The following FAT4 variants were observed in gnomAD, a reference collection of about 807,000 sequenced individuals.
FAT4 encodes protocadherin Fat 4.
In FAT4, 84 loss-of-function variants were observed where a neutral mutation model predicts 303.9. That is an observed-to-expected ratio of 0.28 (90% CI 0.23 to 0.33). FAT4 has a LOEUF of 0.33. FAT4 is among the 10% of genes least tolerant of loss of function. FAT4 has a pLI of 1.00. For missense variants in FAT4, 6,005 were observed against 6,146.8 expected (o/e 0.98, Z 0.77); for synonymous variants, 2,307 against 2,298.8 (o/e 1.00, Z -0.10).
Position 125,321,227 on chromosome 4 carries a change from C to T in FAT4, c.4816C>T (p.Leu1606Phe), listed in dbSNP as rs766637613. ...IYNLIVSATDLGPERRKSTTE... is the reference protein window; with the variant it reads ...IYNLIVSATDFGPERRKSTTE... ...CAATCTCATAGTTTCAGCAACAGAC[C>T]TTGGGCCTGAAAGGAGGAAATCGAC... Residue 1606 changes from leucine to phenylalanine, a missense_variant, in exon 2 of 18, where the codon CTT becomes TTT. Coordinates refer to ENST00000394329, the MANE Select transcript of FAT4 (RefSeq NM_001291303.3). 3.1e-6 allele frequency: 5 copies of T among 1,614,008 alleles called. No individual in the cohort carries two copies. The highest frequency in any genetic ancestry group is 1.3e-5 in the African/African-American group (1 of 74,906).
chr4:125,318,215 C>G lies in FAT4; in HGVS notation c.1804C>G (p.Leu602Val), dbSNP rs1332280384. 1 of 1,614,212 alleles carries G rather than the reference C, an allele frequency of 6.2e-7. No homozygotes were observed. The highest frequency in any genetic ancestry group is 8.5e-7 in the Non-Finnish European group (1 of 1,180,044). The stretch of plus-strand genomic sequence containing the variant: ...TGAGAATGCCCCAACAGGGACAGAA[C>G]TGTTGATGCTCAGGGCAACTGACGG... Reference protein sequence around the residue: ...VVENAPTGTELLMLRATDGDL... With the variant: ...VVENAPTGTEVLMLRATDGDL... Residue 602 changes from leucine to valine, a missense_variant, in exon 2 of 18, where the codon CTG (leucine) becomes GTG (valine). Physicochemically the swap from Leu to Val is conservative, Grantham distance 32. Coordinates refer to ENST00000394329, the MANE Select transcript of FAT4 (RefSeq NM_001291303.3).
intron 2 of FAT4, among the ~76,000 whole-genome samples, chr4:125,382,394 A>G (rs1733575327): frequency 1.3e-5 from 2 of 152,212 alleles, no homozygotes; most frequent in South Asian, 2.1e-4. Context: ...CTCTTTGCAC[A>G]TCTTTTTCAG....
chr4:125,481,961 A>G (rs1030262255), intron 16 of FAT4, among the ~76,000 whole-genome samples: 2 of 152,210 alleles, frequency 1.3e-5, no homozygotes, highest in African/African-American at 4.8e-5. Flanking sequence ...GTGTTGCTTT[A>G]GAGTAGAGAA....
intron 2 of FAT4, among the ~76,000 whole-genome samples, chr4:125,351,309 G>C (rs966076673): frequency 6.6e-6 from 1 of 151,694 alleles, no homozygotes; most frequent in Non-Finnish European, 1.5e-5. Context: ...CACTGATACA[G>C]TAACTACTTT....
intron 2 of FAT4, among the ~76,000 whole-genome samples, chr4:125,367,917 T>G (rs1195858942): frequency 6.6e-6 from 1 of 152,136 alleles, no homozygotes; most frequent in Non-Finnish European, 1.5e-5. Flanking sequence ...CTGACTCAGG[T>G]AGGTAGAGAT....
In FAT4 at chr4:125,490,567, A is replaced by G. The variant is rs1727591122; in HGVS notation, c.13751A>G (p.Asp4584Gly). Residue 4584 changes from aspartate to glycine, a missense_variant, in exon 18 of 18, where the codon GAT becomes GGT. By Grantham distance (94) the Asp-to-Gly change is moderately conservative (BLOSUM62 -1). Transcript: ENST00000394329. ...RKQPEGNPKP[D>G]IIERENPYLI... ...CAGCCTGAAGGGAACCCAAAACCAG[A>G]TATCATTGAAAGGGAAAACCCCTAC... 6.2e-7 allele frequency: 1 copy of G among 1,614,136 alleles called. No individual in the cohort carries two copies. The highest frequency in any genetic ancestry group is 8.5e-7 in the Non-Finnish European group (1 of 1,180,028).
intron 10 of FAT4, among the ~76,000 whole-genome samples, chr4:125,456,471 A>G (rs550431289): frequency 9.8e-5 from 15 of 152,298 alleles, no homozygotes; most frequent in Non-Finnish European, 1.6e-4. Flanking sequence ...CATTTTTTAA[A>G]TCAAGTTTCA....
At position 125,319,055 on chromosome 4, in the gene FAT4, A is replaced by C; in HGVS notation, c.2644A>C (p.Thr882Pro). The change falls in exon 2 of 18, where the codon ACA becomes CCA. Residue 882 changes from threonine to proline, a missense_variant. By Grantham distance (38) the Thr-to-Pro change is conservative. Coordinates refer to ENST00000394329, the MANE Select transcript of FAT4 (RefSeq NM_001291303.3). The part of the protein sequence containing the change: ...TVTGDTMVNI[T>P]VKDLNDNSPH... The stretch of plus-strand genomic sequence containing the variant: ...GACTGGAGACACTATGGTTAACATA[A>C]CAGTTAAGGATTTGAATGACAACTC... 2 of 1,614,198 alleles carry C rather than the reference A, an allele frequency of 1.2e-6. No individual in the cohort carries two copies. Among genetic ancestry groups the C allele is most frequent in the Non-Finnish European group, 1.7e-6 (2 of 1,180,046 alleles).
At chr4:125,378,807 A>G (rs1396457847) in intron 2 of FAT4, among the ~76,000 whole-genome samples, 3 of 152,202 alleles carry the variant, frequency 2.0e-5, no homozygotes, top group African/African-American at 7.2e-5. Context: ...TACTATGAAA[A>G]TTAAGAATAA....
chr4:125,393,604 A>G (rs1191095277), intron 2 of FAT4, among the ~76,000 whole-genome samples: 1 of 152,186 alleles, frequency 6.6e-6, no homozygotes, highest in East Asian at 1.9e-4. Context: ...TAAAAAAAAG[A>G]GAAAAGCATT....
intron 10 of FAT4, among the ~76,000 whole-genome samples, chr4:125,458,535 A>T (rs2126067332): frequency 6.6e-6 from 1 of 152,096 alleles, no homozygotes; most frequent in East Asian, 1.9e-4. Flanking sequence ...TGTAAGAGAC[A>T]ATAAAGAGTG....
chr4:125,411,809 C>T (rs1376724365), intron 5 of FAT4, among the ~76,000 whole-genome samples: 4 of 144,118 alleles, frequency 2.8e-5, no homozygotes, highest in African/African-American at 7.6e-5. Context: ...GACTGAAATA[C>T]TATATATAGA....
chr4:125,352,572 A>T (rs953845785), intron 2 of FAT4, among the ~76,000 whole-genome samples: 1 of 151,684 alleles, frequency 6.6e-6, no homozygotes, highest in African/African-American at 2.4e-5. Context: ...TTCTTTTTCC[A>T]TTGTTACTTT....
At chr4:125,357,264 T>C (rs1420731292) in intron 2 of FAT4, among the ~76,000 whole-genome samples, 1 of 152,098 alleles carries the variant, frequency 6.6e-6, no homozygotes, top group East Asian at 1.9e-4. Context: ...TTTTACTGAA[T>C]AAATATACCT....
intron 2 of FAT4, among the ~76,000 whole-genome samples, chr4:125,347,810 C>T (rs748514797): frequency 4.4e-4 from 67 of 151,864 alleles, no homozygotes; most frequent in Non-Finnish European, 7.8e-4. Flanking sequence ...AGTAGGACCT[C>T]TGAGTTATAT....
rs1312288669 is a variant in FAT4 at position 125,395,900 on chromosome 4, G to C, written c.5176-2884G>C. Among the ~76,000 whole-genome samples the C allele has an allele frequency of 2.0e-5, 3 of 152,216 alleles. No homozygotes were observed. In the East Asian group the frequency reaches 5.8e-4, roughly 29 times the overall value. The stretch of plus-strand genomic sequence containing the variant: ...TTTGAAATGACCAAAATCTCACAGA[G>C]CATACGGGATCACAGACTTCTAGAG... On this transcript the variant is annotated intron_variant, in intron 2 of 17. Transcript: ENST00000394329.
At chr4:125,402,941 C>T (rs1734444054) in intron 3 of FAT4, among the ~76,000 whole-genome samples, 1 of 151,846 alleles carries the variant, frequency 6.6e-6, no homozygotes, top group Admixed American at 6.6e-5. Flanking sequence ...ACTACTTATA[C>T]CTAGTGTCAA....
At chr4:125,377,403 T>G (rs1733374080) in intron 2 of FAT4, among the ~76,000 whole-genome samples, 1 of 152,168 alleles carries the variant, frequency 6.6e-6, no homozygotes, top group Admixed American at 6.5e-5. Flanking sequence ...CAACTCTGAT[T>G]AGACCACAGC....
At chr4:125,446,082 C>T (rs919078180) in intron 8 of FAT4, 1 of 445,366 alleles carries the variant, frequency 2.2e-6, no homozygotes, top group Non-Finnish European at 4.0e-6. Flanking sequence ...CTTGACATCA[C>T]TGGACATCTC....
Sources: gnomAD v4.1 joint callset for allele counts (sites outside exome capture counted in the v4.1 genomes callset) on GRCh38, gnomAD v4.1.1 for gene constraint, MANE v1.5 for transcripts, NCBI Gene and HGNC (gene_info 2026-07-23, HGNC 2026-07-21) for gene names.